The following AHNAK2 variants were observed in gnomAD, a reference collection of about 807,000 sequenced individuals.
AHNAK2 encodes the protein AHNAK nucleoprotein 2, also known as protein AHNAK2.
AHNAK2 carries 18 observed loss-of-function variants against 30.7 expected under a neutral mutation model. The ratio of observed to expected loss-of-function variants is 0.59; its 90% CI spans 0.41 to 0.87. The LOEUF is 0.87. Among genes scored for constraint, AHNAK2 ranks in the 40% least tolerant of loss-of-function variants. The pLI, the probability that AHNAK2 is intolerant of heterozygous loss-of-function variation, is 0.00. For synonymous variants in AHNAK2, 3,590 were observed against 3,073.8 expected (o/e 1.17, Z -5.56); for missense variants, 8,604 against 7,373.0 (o/e 1.17, Z -6.11).
In AHNAK2 at chr14:104,942,477, G is replaced by C; in HGVS notation, c.12974C>G (p.Ala4325Gly). ...KSIEASLDVS[A>G]LKVEADVSLP... ...GCTCACGTCAGCCTCCACCTTCAGCGCAGACACATCCAACGAGGCCTCGAT... is the reference window on the plus strand; with the variant it reads ...GCTCACGTCAGCCTCCACCTTCAGCCCAGACACATCCAACGAGGCCTCGAT... The change falls in exon 7 of 7, where the codon GCG (alanine) becomes GGG (glycine). Residue 4325 changes from alanine (A) to glycine (G), a missense_variant. Physicochemically the swap from Ala to Gly is moderately conservative, Grantham distance 60. Transcript: ENST00000333244. 2 of 1,612,234 alleles carry C rather than the reference G, an allele frequency of 1.2e-6. No individual in the cohort carries two copies. The highest frequency in any genetic ancestry group is 2.2e-5 in the South Asian group (2 of 90,990).
chr14:104,942,549 G>A lies in AHNAK2; in HGVS notation c.12902C>T (p.Pro4301Leu), dbSNP rs1273351748. ...CCCGAACGACGGCATCTTGAACTTG[G>A]GCATTTTGAACTTGCTGTCTTTGGC... ...MTAKDSKFKM[P>L]KFKMPSFGVS... The change falls in exon 7 of 7, where the codon CCC becomes CTC. Residue 4301 changes from proline (P) to leucine (L), a missense_variant. Coordinates refer to ENST00000333244, the MANE Select transcript of AHNAK2 (RefSeq NM_138420.4). 5 of 1,613,114 alleles carry A rather than the reference G, an allele frequency of 3.1e-6. No individual in the cohort carries two copies. In the Admixed American group the frequency reaches 5.0e-5, roughly 16 times the overall value.
In AHNAK2 at chr14:104,953,396, G is replaced by T; in HGVS notation, c.2055C>A (p.Phe685Leu). The change falls in exon 7 of 7, where the codon TTC becomes TTA. Residue 685 changes from phenylalanine (F) to leucine (L), a missense_variant. By Grantham distance (22) the Phe-to-Leu change is conservative. Coordinates refer to ENST00000333244, the MANE Select transcript of AHNAK2 (RefSeq NM_138420.4). ...TGGACTTGCCTGGGGCTGACGCCCC[G>T]AACAATGGCATCTTGAACTTGGGCA... is the stretch of plus-strand genomic sequence containing the variant. Reference protein sequence around the residue: ...FKMPKFKMPLFGASAPGKSME... With the variant: ...FKMPKFKMPLLGASAPGKSME... 6.2e-7 allele frequency: 1 copy of T among 1,613,840 alleles called. No individual in the cohort carries two copies. The highest frequency in any genetic ancestry group is 8.5e-7 in the Non-Finnish European group (1 of 1,179,856).
intron 1 of AHNAK2, among the ~76,000 whole-genome samples, chr14:104,964,985 G>A (rs1283964735): frequency 3.3e-5 from 5 of 152,210 alleles, no homozygotes; most frequent in Non-Finnish European, 5.9e-5. Context: ...CCCACAGGCC[G>A]CATGTGGCCC....
Position 104,939,708 on chromosome 14 carries a change from A to G in AHNAK2, c.15743T>C (p.Leu5248Pro). The change falls in exon 7 of 7, where the codon CTA (leucine) becomes CCA (proline). Residue 5248 changes from leucine to proline, a missense_variant. Leu to Pro is a moderately conservative substitution (Grantham distance 98, BLOSUM62 -3). Coordinates refer to ENST00000333244, the MANE Select transcript of AHNAK2 (RefSeq NM_138420.4). Reference protein sequence around the residue: ...SGSNVEAAMSLQLPEADAEVT... With the variant: ...SGSNVEAAMSPQLPEADAEVT... ...TTCTGCATCTGCCTCTGGGAGCTGTAGGGACATAGCTGCCTCCACGTTTGA... is the reference window on the plus strand; with the variant it reads ...TTCTGCATCTGCCTCTGGGAGCTGTGGGGACATAGCTGCCTCCACGTTTGA... 6.2e-7 allele frequency: 1 copy of G among 1,613,910 alleles called. No homozygotes were observed. Among genetic ancestry groups the G allele is most frequent in the Non-Finnish European group, 8.5e-7 (1 of 1,179,900 alleles).
intron 1 of AHNAK2, among the ~76,000 whole-genome samples, chr14:104,965,901 C>G (rs1055052350): frequency 1.3e-5 from 2 of 152,222 alleles, no homozygotes; most frequent in Non-Finnish European, 2.9e-5. Flanking sequence ...GACCACCCTG[C>G]CTGCCCTGAC....
rs1403593161 is a variant in AHNAK2 at position 104,939,953 on chromosome 14, T to A, written c.15498A>T (p.Pro5166=). The A allele has an allele frequency of 2.5e-6, 4 of 1,612,106 alleles. No individual in the cohort carries two copies. Among genetic ancestry groups the A allele is most frequent in the Non-Finnish European group, 3.4e-6 (4 of 1,179,888 alleles). Residue 5166 remains proline (P), a synonymous_variant, in exon 7 of 7, where the codon CCA becomes CCT. Transcript: ENST00000333244. ...EDPLQPSCRK[P]DAEVLTVESP... is the part of the protein sequence containing the mutation. ...TTTCCACTGTGAGGACTTCAGCATC[T>A]GGTTTTCTACAGGATGGCTGGAGGG...
rs758200701 is a variant in AHNAK2 at position 104,950,155 on chromosome 14, G to A, written c.5296C>T (p.Pro1766Ser). Residue 1766 changes from proline (P) to serine (S), a missense_variant, in exon 7 of 7, where the codon CCC (proline) becomes TCC (serine). By Grantham distance (74) the Pro-to-Ser change is moderately conservative. Coordinates refer to ENST00000333244, the MANE Select transcript of AHNAK2 (RefSeq NM_138420.4). The part of the protein sequence containing the change: ...LKGPQMDVKG[P>S]KLDLKGPKAE... ...TTGGGGCCTTTCAGGTCCAGCTTGG[G>A]GCCCTTGACGTCCATCTGGGGGCCC... 8 of 1,583,940 alleles carry A rather than the reference G, an allele frequency of 5.1e-6. No individual in the cohort carries two copies. The highest frequency in any genetic ancestry group is 4.3e-6 in the Non-Finnish European group (5 of 1,162,046).
intron 1 of AHNAK2, among the ~76,000 whole-genome samples, chr14:104,962,993 C>T (rs539875779): frequency 2.6e-5 from 4 of 152,248 alleles, no homozygotes; most frequent in Admixed American, 1.3e-4. Context: ...GATCATAGAA[C>T]GAAAACTGAT....
rs373025498 is a variant in AHNAK2 at position 104,942,251 on chromosome 14, C to G, written c.13200G>C (p.Gln4400His). Reference protein sequence around the residue: ...KVPKVDLKGPQIDVNVPKLDL... With the variant: ...KVPKVDLKGPHIDVNVPKLDL... Reference sequence around the variant, plus strand: ...CCAGCTTGGGGACATTAACGTCTATCTGGGGACCCTTGAGGTCCACTTTGG... The same window carrying G: ...CCAGCTTGGGGACATTAACGTCTATGTGGGGACCCTTGAGGTCCACTTTGG... The change falls in exon 7 of 7, where the codon CAG becomes CAC. Residue 4400 changes from glutamine to histidine, a missense_variant. Gln to His is a conservative substitution (Grantham distance 24, BLOSUM62 0). Coordinates refer to ENST00000333244, the MANE Select transcript of AHNAK2 (RefSeq NM_138420.4). 1 of 1,613,008 alleles carries G rather than the reference C, an allele frequency of 6.2e-7. No individual in the cohort carries two copies. Among genetic ancestry groups the G allele is most frequent in the Admixed American group, 1.7e-5 (1 of 59,940 alleles).
Position 104,954,200 on chromosome 14 carries a change from G to A in AHNAK2, c.1251C>T (p.Ala417=), listed in dbSNP as rs542348254. 6.2e-7 allele frequency: 1 copy of A among 1,610,340 alleles called. No individual in the cohort carries two copies. The highest frequency in any genetic ancestry group is 1.3e-5 in the African/African-American group (1 of 75,018). ...GTPQEGGLRA[A]RLHGKTLEGQ... is the part of the protein sequence containing the mutation. ...CCTCCAGGGTCTTTCCATGGAGCCT[G>A]GCTGCCCTGAGTCCCCCTTCCTGAG... The change falls in exon 7 of 7, where the codon GCC becomes GCT. Residue 417 remains alanine, a synonymous_variant. Coordinates refer to ENST00000333244, the MANE Select transcript of AHNAK2 (RefSeq NM_138420.4). This position sits in a 1 kb window ranked among gnomAD's most constrained non-coding sequence, Gnocchi z 4.3.
chr14:104,965,121 ATTC>A (rs1329280316), intron 1 of AHNAK2, among the ~76,000 whole-genome samples: 10 of 152,252 alleles, frequency 6.6e-5, no homozygotes, highest in African/African-American at 1.2e-4. Context: ...ACCCAAGACA[ATTC>A]TTCTTCTTCC....
At position 104,954,669 on chromosome 14, in the gene AHNAK2, CAA is replaced by C; in HGVS notation, c.780_781del (p.Trp261AlafsTer27). 1 of 1,612,828 alleles carries C rather than the reference CAA, an allele frequency of 6.2e-7. No homozygotes were observed. Among genetic ancestry groups the C allele is most frequent in the South Asian group, 1.1e-5 (1 of 90,926 alleles). ...GCTCTTTATGGATTGAAATTTTGGC[CAA>C]GAGAGCCTCTCCCTCTGGCTCTGCC... On this transcript the variant is annotated frameshift_variant, in exon 7 of 7. Transcript: ENST00000333244. LOFTEE classifies it low-confidence loss of function (END_TRUNC). This position sits in a 1 kb window ranked among gnomAD's most constrained non-coding sequence, Gnocchi z 4.3.
In AHNAK2 at chr14:104,952,157, G is replaced by T; in HGVS notation, c.3294C>A (p.Gly1098=). The change falls in exon 7 of 7, where the codon GGC becomes GGA. Residue 1098 remains glycine (G), a synonymous_variant. Coordinates refer to ENST00000333244, the MANE Select transcript of AHNAK2 (RefSeq NM_138420.4). The part of the protein sequence containing the change: ...SFKMPKVALK[G]PQVDVKGPKL... ...TGGGGCCCTTGACGTCCACCTGGGG[G>T]CCCTTGAGGGCCACTTTGGGCATCT... 1 of 1,612,084 alleles carries T rather than the reference G, an allele frequency of 6.2e-7. No homozygotes were observed. The highest frequency in any genetic ancestry group is 8.5e-7 in the Non-Finnish European group (1 of 1,179,406).
intron 1 of AHNAK2, among the ~76,000 whole-genome samples, chr14:104,974,504 G>C (rs553166127): frequency 6.6e-6 from 1 of 152,230 alleles, no homozygotes; most frequent in Non-Finnish European, 1.5e-5. Flanking sequence ...CTTTGCCTCC[G>C]CTTCTTTTTC....
Position 104,946,755 on chromosome 14 carries a change from A to T in AHNAK2, c.8696T>A (p.Val2899Glu). The change falls in exon 7 of 7, where the codon GTG (valine) becomes GAG (glutamate). Residue 2899 changes from valine to glutamate, a missense_variant. Val to Glu is a moderately radical substitution (Grantham distance 121). Coordinates refer to ENST00000333244, the MANE Select transcript of AHNAK2 (RefSeq NM_138420.4). Reference sequence around the variant, plus strand: ...GGGCATCTTGAAACTGGGCATCTGCACCTTGGGCAGGTGCCCTTTGAGGCC... The same window carrying T: ...GGGCATCTTGAAACTGGGCATCTGCTCCTTGGGCAGGTGCCCTTTGAGGCC... ...GAGLKGHLPK[V>E]QMPSFKMPKV... The T allele has an allele frequency of 6.2e-7, 1 of 1,612,276 alleles. No individual in the cohort carries two copies. Among genetic ancestry groups the T allele is most frequent in the Non-Finnish European group, 8.5e-7 (1 of 1,179,400 alleles).
At chr14:104,975,750 G>A (rs1052408014) in intron 1 of AHNAK2, among the ~76,000 whole-genome samples, 1 of 151,200 alleles carries the variant, frequency 6.6e-6, no homozygotes, top group Non-Finnish European at 1.5e-5. Context: ...ACACCAGGGT[G>A]GTGACAGACC....
rs147047251 is a variant in AHNAK2, at chr14:104,963,018, A to G, written c.56-5346T>C. On this transcript the variant is annotated intron_variant, in intron 1 of 6. Coordinates refer to ENST00000333244, the MANE Select transcript of AHNAK2 (RefSeq NM_138420.4). ...CGAAAACTGATAAATTTAAGTTCTCATAATTTAAAACACTGGCCTTAAGAG... is the reference window on the plus strand; with the variant it reads ...CGAAAACTGATAAATTTAAGTTCTCGTAATTTAAAACACTGGCCTTAAGAG... 7.2e-5 allele frequency among the ~76,000 whole-genome samples: 11 copies of G among 152,348 alleles called. No individual in the cohort carries two copies. The East Asian group carries it at 1.9e-3, about 27-fold the overall frequency.
rs544794288 is a variant in AHNAK2 at position 104,947,338 on chromosome 14, G to C, written c.8113C>G (p.Leu2705Val). The C allele has an allele frequency of 4.3e-6, 7 of 1,612,526 alleles. No individual in the cohort carries two copies. In the African/African-American group the frequency reaches 5.4e-5, roughly 12 times the overall value. Residue 2705 changes from leucine to valine, a missense_variant, in exon 7 of 7, where the codon CTG becomes GTG. Physicochemically the swap from Leu to Val is conservative, Grantham distance 32 (BLOSUM62 1). Transcript: ENST00000333244. The part of the protein sequence containing the change: ...DISIQPPSAQ[L>V]EVQAGQVDVK... ...TCCACCTGGCCAGCCTGGACCTCCA[G>C]TTGGGCAGAGGGGGGCTGAATGCTG...
chr14:104,942,481 A>G lies in AHNAK2; in HGVS notation c.12970T>C (p.Ser4324Pro), dbSNP rs570710652. Reference sequence around the variant, plus strand: ...ACGTCAGCCTCCACCTTCAGCGCAGACACATCCAACGAGGCCTCGATGGAC... The same window carrying G: ...ACGTCAGCCTCCACCTTCAGCGCAGGCACATCCAACGAGGCCTCGATGGAC... ...GKSIEASLDV[S>P]ALKVEADVSL... The change falls in exon 7 of 7, where the codon TCT becomes CCT. Residue 4324 changes from serine (S) to proline (P), a missense_variant. Transcript: ENST00000333244. 24 of 1,612,658 alleles carry G rather than the reference A, an allele frequency of 1.5e-5. 1 individual carries two copies. Among genetic ancestry groups the G allele is most frequent in the Middle Eastern group, 3.3e-4 (2 of 6,044 alleles).
Sources: gnomAD v4.1 joint callset for allele counts (sites outside exome capture counted in the v4.1 genomes callset) on GRCh38, gnomAD v4.1.1 for gene constraint, Gnocchi (gnomAD v3.1) non-coding constraint, MANE v1.5 for transcripts, NCBI Gene and HGNC (gene_info 2026-07-23, HGNC 2026-07-21) for gene names.